Variants in MAP4K2 observed in about 807,000 individuals in gnomAD.
The protein encoded by MAP4K2 is B lymphocyte serine/threonine protein kinase.
Under a neutral mutation model 125.3 loss-of-function variants are expected in MAP4K2, and 85 were observed. The observed-to-expected ratio is 0.68, with a 90% CI of 0.57 to 0.81. MAP4K2 has a LOEUF of 0.81. Among genes scored for constraint, MAP4K2 ranks in the 40% least tolerant of loss-of-function variants. The probability of loss-of-function intolerance (pLI) is 0.00; values close to 1 mark genes in which losing one functional copy is unlikely to be tolerated. For missense variants in MAP4K2, 923 were observed against 1,056.4 expected (o/e 0.87, Z 1.75); for synonymous variants, 479 against 445.1 (o/e 1.08, Z -0.96).
In MAP4K2 at chr11:64,800,787, G is replaced by C. The variant is rs201462824; in HGVS notation, c.702C>G (p.Pro234=). 1.4e-4 allele frequency: 226 copies of C among 1,609,356 alleles called. 3 individuals are homozygous for C. Among genetic ancestry groups the C allele is most frequent in the Non-Finnish European group, 1.4e-5 (16 of 1,177,922 alleles). Residue 234 remains proline, a synonymous_variant, in exon 10 of 32, where the codon CCC becomes CCG. Coordinates refer to ENST00000294066, the MANE Select transcript of MAP4K2 (RefSeq NM_004579.5). The part of the protein sequence containing the change: ...MLMSKSSFQP[P]KLRDKTRWTQ... ...ACCAGCGAGTCTTATCTCTCAGTTT[G>C]GGCGGCTGGAAGCTGCTCTTCGACA...
chr11:64,792,832 TCA>T, intron 24 of MAP4K2, among the ~76,000 whole-genome samples: 1 of 152,276 alleles, frequency 6.6e-6, no homozygotes, highest in East Asian at 1.9e-4. Flanking sequence ...TCGTGTGTGC[TCA>T]CAGAGGGCCA....
At chr11:64,793,242 A>C (rs888293088) in intron 24 of MAP4K2, among the ~76,000 whole-genome samples, 3 of 152,130 alleles carry the variant, frequency 2.0e-5, no homozygotes, top group African/African-American at 7.2e-5. Context: ...GAAAAAAGGA[A>C]TGAAGAAATG....
In MAP4K2 at chr11:64,795,044, C is replaced by T. The variant is rs56762103; in HGVS notation, c.1751+1229G>A. ...AGTGGCTGGGACCACCAACACACAA[C>T]GCCATGCCTACATCACCATGCTCAG... On this transcript the variant is annotated intron_variant, in intron 24 of 31. Transcript: ENST00000294066. Among the ~76,000 whole-genome samples, 284 of 151,930 alleles carry T rather than the reference C, an allele frequency of 1.9e-3. 1 individual carries two copies. Among genetic ancestry groups the T allele is most frequent in the East Asian group, 0.013 (68 of 5,172 alleles).
chr11:64,800,291 C>G lies in MAP4K2; in HGVS notation c.807+20G>C, dbSNP rs202210431. On this transcript the variant is annotated intron_variant, in intron 11 of 31. Coordinates refer to ENST00000294066, the MANE Select transcript of MAP4K2 (RefSeq NM_004579.5). ...CTGCTTTTGAGTACTGGGCCTCTCTCCCGGCCCCCTGCCTCCCACCTGCAG... is the reference window on the plus strand; with the variant it reads ...CTGCTTTTGAGTACTGGGCCTCTCTGCCGGCCCCCTGCCTCCCACCTGCAG... 160 of 1,613,616 alleles carry G rather than the reference C, an allele frequency of 9.9e-5. No individual in the cohort carries two copies. In the East Asian group the frequency reaches 3.6e-3, roughly 36 times the overall value.
At chr11:64,799,025 A>G (rs1394994271) in intron 14 of MAP4K2, among the ~76,000 whole-genome samples, 188 bp from the exon 15 acceptor site, 1 of 152,242 alleles carries the variant, frequency 6.6e-6, no homozygotes, top group Non-Finnish European at 1.5e-5. Flanking sequence ...AAAGGGCAAC[A>G]GACAGCGAGG....
At chr11:64,801,242 CCAGGGCTCTGGCTCGGCTGCACCTGG>C in intron 7 of MAP4K2, 59 bp from the exon 8 acceptor site, 1 of 1,576,520 alleles carries the variant, frequency 6.3e-7, no homozygotes, top group Non-Finnish European at 8.6e-7. Context: ...CCTCCCACGC[CCAGGGCTCTGGCTCGGCTGCACCTGG>C]CAGGGCTCAG....
At chr11:64,794,686 C>T (rs1363522590) in intron 24 of MAP4K2, among the ~76,000 whole-genome samples, 1 of 152,178 alleles carries the variant, frequency 6.6e-6, no homozygotes, top group African/African-American at 2.4e-5. Context: ...AGCTCCCCAG[C>T]TCACCAGGCT....
Position 64,802,071 on chromosome 11 carries a change from G to A in MAP4K2, c.361C>T (p.Leu121=), listed in dbSNP as rs781288512. The change falls in exon 5 of 32, where the codon CTG becomes TTG. Residue 121 remains leucine (L), a synonymous_variant. Transcript: ENST00000294066. ...RQIAYVCREA[L]KGLHHLHSQG... is the part of the protein sequence containing the mutation. The stretch of plus-strand genomic sequence containing the variant: ...CACCTCACAGGCCCAGCTACCTTCA[G>A]TGCCTCTCGGCAGACGTAGGCAATC... The A allele has an allele frequency of 3.7e-6, 6 of 1,612,476 alleles. No homozygotes were observed. Among genetic ancestry groups the A allele is most frequent in the Non-Finnish European group, 5.1e-6 (6 of 1,179,842 alleles).
chr11:64,800,210 A>T lies in MAP4K2; in HGVS notation c.814T>A (p.Phe272Ile). The T allele has an allele frequency of 6.2e-7, 1 of 1,613,180 alleles. No homozygotes were observed. The highest frequency in any genetic ancestry group is 8.5e-7 in the Non-Finnish European group (1 of 1,179,864). The part of the protein sequence containing the change: ...PTAEKLLQHP[F>I]TTQQLPRALL... The stretch of plus-strand genomic sequence containing the variant: ...GCCCGAGGGAGCTGCTGAGTCGTGA[A>T]CGGGTGCTGGAAAGTGGGGGAGGGG... Residue 272 changes from phenylalanine (F) to isoleucine (I), a missense_variant, in exon 12 of 32, where the codon TTC becomes ATC. Physicochemically the swap from Phe to Ile is conservative, Grantham distance 21. This residue lies in a region of MAP4K2 where 833 missense variants were observed against 911.4 expected (regional missense o/e 0.91). Coordinates refer to ENST00000294066, the MANE Select transcript of MAP4K2 (RefSeq NM_004579.5).
intron 22 of MAP4K2, 28 bp downstream of exon 22, chr11:64,796,606 C>T (rs1410085836): frequency 6.2e-7 from 1 of 1,613,914 alleles, no homozygotes; most frequent in Non-Finnish European, 8.5e-7. Flanking sequence ...CACAAGGCCT[C>T]TGCCCCCCAC....
chr11:64,792,035 G>A lies in MAP4K2; in HGVS notation c.1966C>T (p.Leu656=). ...ACCTGCGGCAGCTCCTTCCCATCCA[G>A]CACCAGCGGCTCCAGCATCCCAGCT... ...SPAGMLEPLV[L]DGKELPQVCV... is the part of the protein sequence containing the mutation. Residue 656 remains leucine, a synonymous_variant, in exon 27 of 32, where the codon CTG becomes TTG. Transcript: ENST00000294066. The A allele has an allele frequency of 1.9e-6, 3 of 1,596,510 alleles. No individual in the cohort carries two copies. The highest frequency in any genetic ancestry group is 2.6e-6 in the Non-Finnish European group (3 of 1,172,030).
rs1940181407 is a variant in MAP4K2 at position 64,785,424 on chromosome 11, A to G, written c.*4113T>C. 1 of 152,176 alleles carries G rather than the reference A, an allele frequency of 6.6e-6. No individual in the cohort carries two copies. The highest frequency in any genetic ancestry group is 1.5e-5 in the Non-Finnish European group (1 of 68,036). The allele number at this position is 152,176 out of a possible 1,614,324, so 9.4% of individuals were successfully genotyped here. The stretch of plus-strand genomic sequence containing the variant: ...CAACAATACACACTAGAAGGCAGCA[A>G]CTGCAAAGTGGCAATTCCAGAGTTC... On this transcript the variant is annotated 3_prime_UTR_variant, in exon 32 of 32. Coordinates refer to ENST00000294066, the MANE Select transcript of MAP4K2 (RefSeq NM_004579.5).
At position 64,803,084 on chromosome 11, in the gene MAP4K2, C is replaced by G. The variant is rs1228745440; in HGVS notation, c.66G>C (p.Val22=). The G allele has an allele frequency of 6.2e-7, 1 of 1,602,168 alleles. No homozygotes were observed. ...AGACGTCGCCATAGGTCCCGGCCCC[C>G]ACGCGCTGCAGCAGCTCGAAGCGGT... ...PRDRFELLQR[V]GAGTYGDVYK... The change falls in exon 1 of 32, where the codon GTG becomes GTC. Residue 22 remains valine, a synonymous_variant. Transcript: ENST00000294066.
intron 24 of MAP4K2, among the ~76,000 whole-genome samples, chr11:64,795,328 C>T (rs942264127): frequency 1.3e-5 from 2 of 152,006 alleles, no homozygotes; most frequent in African/African-American, 4.8e-5. Flanking sequence ...ATGATCCGCC[C>T]ACCTCGGCCT....
rs140800418 is a variant in MAP4K2 at position 64,785,836 on chromosome 11, T to G, written c.*3701A>C. 23 of 152,334 alleles carry G rather than the reference T, an allele frequency of 1.5e-4. No homozygotes were observed. Among genetic ancestry groups the G allele is most frequent in the African/African-American group, 4.8e-4 (20 of 41,564 alleles). 9.4% of individuals were successfully genotyped at this position (152,334 alleles called of 1,614,324 possible). On this transcript the variant is annotated 3_prime_UTR_variant, in exon 32 of 32. Transcript: ENST00000294066. ...AACTCCTGGGTTCAAGTGATCTGCC[T>G]GCCTCAGTTTCCCAAAGTGCTGGGA...
rs893355996 is a variant in MAP4K2, at chr11:64,786,669, T to G, written c.*2868A>C. On this transcript the variant is annotated 3_prime_UTR_variant, in exon 32 of 32. Coordinates refer to ENST00000294066, the MANE Select transcript of MAP4K2 (RefSeq NM_004579.5). ...CATGGAGGGGCAACTGGACAGCAGCTATCACCACGGCATATGTAGCCACCG... is the reference window on the plus strand; with the variant it reads ...CATGGAGGGGCAACTGGACAGCAGCGATCACCACGGCATATGTAGCCACCG... 3 of 152,212 alleles carry G rather than the reference T, an allele frequency of 2.0e-5. No homozygotes were observed. The highest frequency in any genetic ancestry group is 4.8e-5 in the African/African-American group (2 of 41,442). 9.4% of individuals were successfully genotyped at this position (152,212 alleles called of 1,614,324 possible).
chr11:64,794,272 C>A (rs1940660740), intron 24 of MAP4K2, among the ~76,000 whole-genome samples: 1 of 152,250 alleles, frequency 6.6e-6, no homozygotes, highest in Admixed American at 6.5e-5. Context: ...AACCTTGGAG[C>A]CATCCTTGAC....
intron 15 of MAP4K2, among the ~76,000 whole-genome samples, chr11:64,798,346 A>G (rs931451811): frequency 6.6e-6 from 1 of 151,394 alleles, no homozygotes; most frequent in African/African-American, 2.4e-5. Flanking sequence ...TTCTATTTTT[A>G]CTAGAGACGG....
At chr11:64,791,246 A>T (rs1592575689) in intron 27 of MAP4K2, among the ~76,000 whole-genome samples, 1 of 152,096 alleles carries the variant, frequency 6.6e-6, no homozygotes, top group African/African-American at 2.4e-5. Context: ...CTTACCCATC[A>T]CTGCTCATTA....
Sources: gnomAD v4.1 joint callset for allele counts (sites outside exome capture counted in the v4.1 genomes callset) on GRCh38, gnomAD v4.1.1 for gene constraint, gnomAD v4.1.1 regional missense constraint, MANE v1.5 for transcripts, NCBI Gene and HGNC (gene_info 2026-07-23, HGNC 2026-07-21) for gene names.